MPPED2: variants seen among roughly 807,000 people sequenced by gnomAD.
The protein encoded by MPPED2 is metallophosphoesterase MPPED2.
In MPPED2, 5 loss-of-function variants were observed where a neutral mutation model predicts 33.0. The ratio of observed to expected loss-of-function variants is 0.15; its 90% CI spans 0.08 to 0.32. MPPED2 has a LOEUF of 0.32. Among genes scored for constraint, MPPED2 ranks in the 10% least tolerant of loss-of-function variants. The pLI, the probability that MPPED2 is intolerant of heterozygous loss-of-function variation, is 1.00. For missense variants in MPPED2, 275 were observed against 372.1 expected, an observed-to-expected ratio of 0.74 and a Z score of 2.15; for synonymous variants, 136 against 141.9, an observed-to-expected ratio of 0.96 and a Z score of 0.29.
chr11:30,552,344 C>CT (rs36110563), intron 2 of MPPED2, among the ~76,000 whole-genome samples: 6 of 152,128 alleles, frequency 3.9e-5, no homozygotes, highest in African/African-American at 1.2e-4. Flanking sequence ...TGTGAAAATG[C>CT]TTTTTTTACC....
chr11:30,462,399 G>A (rs967643241), intron 4 of MPPED2, among the ~76,000 whole-genome samples: 9 of 152,106 alleles, frequency 5.9e-5, no homozygotes, highest in East Asian at 5.8e-4. Context: ...CAACTTGGGC[G>A]GGAAGGAATA....
At chr11:30,436,728 T>C (rs1435043513) in intron 4 of MPPED2, among the ~76,000 whole-genome samples, 1 of 152,236 alleles carries the variant, frequency 6.6e-6, no homozygotes, top group African/African-American at 2.4e-5. Flanking sequence ...AAAATGAGTA[T>C]GTATAATTCA....
intron 1 of MPPED2, among the ~76,000 whole-genome samples, chr11:30,582,151 T>G (rs554859130): frequency 1.3e-5 from 2 of 152,364 alleles, no homozygotes; most frequent in African/African-American, 4.8e-5. Flanking sequence ...AACACCTGCT[T>G]CAAATTGCAG....
exon 7 of MPPED2, chr11:30,386,331 G>A (rs1480298726): frequency 6.2e-6 from 1 of 162,552 alleles, no homozygotes; most frequent in East Asian, 1.7e-4. Flanking sequence ...AGGCCTAGGA[G>A]AAAAGAATGG....
chr11:30,392,549 T>C (rs1229761063), intron 6 of MPPED2, among the ~76,000 whole-genome samples: 2 of 152,226 alleles, frequency 1.3e-5, no homozygotes, highest in Non-Finnish European at 2.9e-5. Flanking sequence ...GAATTGCTTC[T>C]TGATTAATCA....
At chr11:30,471,398 G>A (rs1014338638) in intron 4 of MPPED2, among the ~76,000 whole-genome samples, 11 of 152,108 alleles carry the variant, frequency 7.2e-5, no homozygotes, top group Non-Finnish European at 1.0e-4. Context: ...TCTCTCACCC[G>A]GCACATGAGG....
At chr11:30,549,894 G>A (rs562472019) in intron 2 of MPPED2, among the ~76,000 whole-genome samples, 4 of 152,214 alleles carry the variant, frequency 2.6e-5, no homozygotes, top group African/African-American at 7.2e-5. Context: ...AAATTCTCTG[G>A]CTCACTGCTT....
chr11:30,419,302 G>T (rs1948509829), intron 4 of MPPED2, among the ~76,000 whole-genome samples: 1 of 152,142 alleles, frequency 6.6e-6, no homozygotes, highest in East Asian at 1.9e-4. Context: ...AACCCAGGCA[G>T]TCTGGTTCCA....
At chr11:30,451,366 T>G (rs901950293) in intron 4 of MPPED2, among the ~76,000 whole-genome samples, 3 of 152,212 alleles carry the variant, frequency 2.0e-5, no homozygotes, top group African/African-American at 7.2e-5. Context: ...GACTTAGAAA[T>G]GCAATTCCCA....
chr11:30,514,387 C>G (rs1304309803), intron 3 of MPPED2, among the ~76,000 whole-genome samples: 1 of 152,216 alleles, frequency 6.6e-6, no homozygotes, highest in East Asian at 1.9e-4. Flanking sequence ...ACTTCGGCAG[C>G]AGTCATTCTC....
At chr11:30,553,600 T>A (rs1955825898) in intron 2 of MPPED2, among the ~76,000 whole-genome samples, 1 of 152,138 alleles carries the variant, frequency 6.6e-6, no homozygotes, top group Non-Finnish European at 1.5e-5. Context: ...ATTTTGAAAA[T>A]CTTCACCGTT....
At chr11:30,524,268 A>G (rs1412503257) in intron 3 of MPPED2, among the ~76,000 whole-genome samples, 1 of 152,148 alleles carries the variant, frequency 6.6e-6, no homozygotes, top group Admixed American at 6.5e-5. Context: ...AAGGAAAAAA[A>G]TAAAAAATAA....
chr11:30,485,546 G>A (rs1431529636), intron 4 of MPPED2, among the ~76,000 whole-genome samples: 7 of 99,636 alleles, frequency 7.0e-5, no homozygotes, highest in East Asian at 2.2e-4. Flanking sequence ...GCCAAACCCC[G>A]CGGAGCTCTA....
intron 4 of MPPED2, among the ~76,000 whole-genome samples, chr11:30,418,923 G>A (rs1948489360): frequency 6.6e-6 from 1 of 152,138 alleles, no homozygotes; most frequent in Admixed American, 6.5e-5. Context: ...AAAAATCTGT[G>A]GCATACGTGC....
intron 3 of MPPED2, among the ~76,000 whole-genome samples, chr11:30,517,613 T>C (rs2134350524): frequency 6.6e-6 from 1 of 152,252 alleles, no homozygotes; most frequent in Non-Finnish European, 1.5e-5. Flanking sequence ...GTCTGGGACG[T>C]GTCCTTCCTC....
chr11:30,498,320 C>T (rs920051874), intron 3 of MPPED2, among the ~76,000 whole-genome samples: 4 of 152,074 alleles, frequency 2.6e-5, no homozygotes, highest in African/African-American at 9.7e-5. Flanking sequence ...CACGGTGGCT[C>T]ACACCCGGAA....
rs57550512 is a variant in MPPED2 at position 30,424,342 on chromosome 11, C to T, written c.537-6709G>A. On this transcript the variant is annotated intron_variant, in intron 4 of 6. Transcript: ENST00000358117. Reference sequence around the variant, plus strand: ...GAAACCGGGAGCCAATTTTCACATACGCTTTCTTTTCTAAATGGTAGCCCT... The same window carrying T: ...GAAACCGGGAGCCAATTTTCACATATGCTTTCTTTTCTAAATGGTAGCCCT... 8.0e-3 allele frequency among the ~76,000 whole-genome samples: 1,212 copies of T among 152,290 alleles called. 19 individuals carry two copies. The highest frequency in any genetic ancestry group is 0.028 in the African/African-American group (1,161 of 41,542).
chr11:30,573,409 T>C (rs182143656), intron 2 of MPPED2, among the ~76,000 whole-genome samples: 2 of 152,304 alleles, frequency 1.3e-5, no homozygotes, highest in East Asian at 3.9e-4. Context: ...TTAGTTGTTA[T>C]TTTAGAGTGT....
intron 4 of MPPED2, among the ~76,000 whole-genome samples, chr11:30,487,338 T>G (rs1309081603): frequency 6.6e-6 from 1 of 152,206 alleles, no homozygotes; most frequent in East Asian, 1.9e-4. Flanking sequence ...TGCCCAGGGC[T>G]GCTGTCTCTC....
Sources: allele counts gnomAD v4.1 joint callset (sites outside exome capture counted in the v4.1 genomes callset), GRCh38; gene constraint gnomAD v4.1.1; transcripts MANE v1.5; gene names NCBI Gene and HGNC (gene_info 2026-07-23, HGNC 2026-07-21).